LDB2: variants seen among roughly 807,000 people sequenced by gnomAD.
LDB2 encodes the protein LIM domain-binding protein 2.
In LDB2, 12 loss-of-function variants were observed where a neutral mutation model predicts 44.3. That is an observed-to-expected ratio of 0.27 (90% CI 0.17 to 0.44). The LOEUF is 0.44. Ranked by LOEUF, LDB2 falls within the 20% of genes least tolerant of loss-of-function variation. The pLI is 1.00. For missense variants in LDB2, 344 were observed against 473.5 expected, an observed-to-expected ratio of 0.73 and a Z score of 2.54; for synonymous variants, 164 against 174.8, an observed-to-expected ratio of 0.94 and a Z score of 0.49.
chr4:16,549,946 T>C (rs1260408728), intron 5 of LDB2, among the ~76,000 whole-genome samples: 1 of 152,240 alleles, frequency 6.6e-6, no homozygotes, highest in Admixed American at 6.5e-5. Flanking sequence ...GCAAGTCACC[T>C]AGACACGTGG....
intron 6 of LDB2, among the ~76,000 whole-genome samples, chr4:16,510,114 A>G (rs1721143375): frequency 6.6e-6 from 1 of 152,138 alleles, no homozygotes. Flanking sequence ...ACCATGTCTC[A>G]AAAACAAAGC....
At chr4:16,716,843 A>G (rs760591011) in intron 2 of LDB2, among the ~76,000 whole-genome samples, 14 of 152,110 alleles carry the variant, frequency 9.2e-5, no homozygotes, top group Non-Finnish European at 1.5e-4. Context: ...TAGTACAGGT[A>G]CAGATAAATA....
At chr4:16,659,791 A>G (rs1432028784) in intron 2 of LDB2, among the ~76,000 whole-genome samples, 6 of 151,934 alleles carry the variant, frequency 3.9e-5, no homozygotes, top group African/African-American at 1.2e-4. Flanking sequence ...GAATTATTTT[A>G]CCACAATAGG....
chr4:16,675,090 T>A (rs1578684789), intron 2 of LDB2, among the ~76,000 whole-genome samples: 1 of 152,306 alleles, frequency 6.6e-6, no homozygotes, highest in East Asian at 1.9e-4. Flanking sequence ...TTTTAAAAAC[T>A]TTTATTTTGA....
At chr4:16,530,668 T>C (rs1285451071) in intron 5 of LDB2, among the ~76,000 whole-genome samples, 1 of 152,234 alleles carries the variant, frequency 6.6e-6, no homozygotes, top group Admixed American at 6.5e-5. Context: ...CGATACAGGC[T>C]TTCTTTGAGG....
At chr4:16,592,770 G>T (rs538939477) in intron 3 of LDB2, among the ~76,000 whole-genome samples, 17 of 151,906 alleles carry the variant, frequency 1.1e-4, no homozygotes, top group African/African-American at 3.9e-4. Flanking sequence ...AGATGATAAG[G>T]GTGGCCAATA....
At chr4:16,664,988 T>C (rs890957283) in intron 2 of LDB2, among the ~76,000 whole-genome samples, 1 of 152,202 alleles carries the variant, frequency 6.6e-6, no homozygotes, top group Non-Finnish European at 1.5e-5. Flanking sequence ...ACTTTAAATA[T>C]TTGCCAGGCC....
At chr4:16,815,922 T>C (rs963723983) in intron 1 of LDB2, among the ~76,000 whole-genome samples, 1 of 152,162 alleles carries the variant, frequency 6.6e-6, no homozygotes, top group Non-Finnish European at 1.5e-5. Flanking sequence ...ATCATATTAC[T>C]TCAGGCCAGG....
At chr4:16,565,051 GGAGTGGATTTTTTTTTAGAAAT>G (rs1214313170) in intron 5 of LDB2, among the ~76,000 whole-genome samples, 3 of 152,130 alleles carry the variant, frequency 2.0e-5, no homozygotes, top group African/African-American at 7.2e-5. Flanking sequence ...CCCAGTAAAA[GGAGTGGATTTTTTTTTAGAAAT>G]GAAATAATGA....
intron 2 of LDB2, among the ~76,000 whole-genome samples, chr4:16,710,465 A>C (rs1460590356): frequency 6.6e-6 from 1 of 152,150 alleles, no homozygotes; most frequent in East Asian, 1.9e-4. Context: ...ATGATGTGAA[A>C]ATTACTGAGA....
chr4:16,682,180 A>T (rs1748111018), intron 2 of LDB2, among the ~76,000 whole-genome samples: 1 of 152,198 alleles, frequency 6.6e-6, no homozygotes, highest in Non-Finnish European at 1.5e-5. Flanking sequence ...ATGTTCTCAC[A>T]CTGTAATAAT....
intron 2 of LDB2, among the ~76,000 whole-genome samples, chr4:16,727,289 G>T (rs928546275): frequency 1.3e-5 from 2 of 152,198 alleles, no homozygotes; most frequent in African/African-American, 2.4e-5. Flanking sequence ...GTTCTTTTCT[G>T]CAGAAAGGAA....
At chr4:16,817,029 A>C (rs1781070163) in intron 1 of LDB2, among the ~76,000 whole-genome samples, 1 of 152,136 alleles carries the variant, frequency 6.6e-6, no homozygotes, top group African/African-American at 2.4e-5. Context: ...CGCCAACAAG[A>C]CCATGAGCTC....
rs183605903 is a variant in LDB2, at chr4:16,748,932, G to A, written c.235+10226C>T. ...AATCAAGTCTTTGAAACAAAAGCTCGCTGGATCTTTAGCTCCTCCAAAGCA... is the reference window on the plus strand; with the variant it reads ...AATCAAGTCTTTGAAACAAAAGCTCACTGGATCTTTAGCTCCTCCAAAGCA... On this transcript the variant is annotated intron_variant, in intron 2 of 7. Coordinates refer to ENST00000304523, the MANE Select transcript of LDB2 (RefSeq NM_001290.5). Among the ~76,000 whole-genome samples, 1,109 of 152,264 alleles carry A rather than the reference G, an allele frequency of 7.3e-3. 13 individuals carry two copies. Among genetic ancestry groups the A allele is most frequent in the African/African-American group, 0.025 (1,055 of 41,548 alleles).
chr4:16,707,377 A>G (rs751197942), intron 2 of LDB2, among the ~76,000 whole-genome samples: 3 of 152,202 alleles, frequency 2.0e-5, no homozygotes, highest in Admixed American at 6.6e-5. Context: ...AAAAACCCCT[A>G]TAATTAAAAT....
At chr4:16,894,944 A>C (rs965011247) in intron 1 of LDB2, among the ~76,000 whole-genome samples, 5 of 152,008 alleles carry the variant, frequency 3.3e-5, no homozygotes, top group African/African-American at 7.2e-5. Context: ...AGAAAAAAAA[A>C]CCTCAAAACA....
At chr4:16,565,689 G>T (rs556908210) in intron 5 of LDB2, among the ~76,000 whole-genome samples, 5 of 151,788 alleles carry the variant, frequency 3.3e-5, no homozygotes, top group African/African-American at 9.7e-5. Context: ...AAAAGACTTA[G>T]TAAAATCATT....
At chr4:16,876,257 G>A (rs1360919185) in intron 1 of LDB2, among the ~76,000 whole-genome samples, 1 of 152,216 alleles carries the variant, frequency 6.6e-6, no homozygotes, top group African/African-American at 2.4e-5. Context: ...CACCTACTGA[G>A]TTGATTGATA....
intron 1 of LDB2, among the ~76,000 whole-genome samples, chr4:16,894,419 G>A (rs1724324995): frequency 6.6e-6 from 1 of 152,074 alleles, no homozygotes; most frequent in Non-Finnish European, 1.5e-5. Flanking sequence ...ATTCCACTGA[G>A]ATTCTAATGT....
Sources: allele counts gnomAD v4.1 joint callset (sites outside exome capture counted in the v4.1 genomes callset), GRCh38; gene constraint gnomAD v4.1.1; transcripts MANE v1.5; gene names NCBI Gene and HGNC (gene_info 2026-07-23, HGNC 2026-07-21).